The following FOXRED1 variants were observed in gnomAD, a reference collection of about 807,000 sequenced individuals.
FOXRED1 encodes FAD dependent oxidoreductase domain containing 1, also known as FAD-dependent oxidoreductase domain-containing protein 1.
Under a neutral mutation model 57.8 loss-of-function variants are expected in FOXRED1, and 52 were observed. The observed-to-expected ratio is 0.90, with a 90% confidence interval of 0.72 to 1.13. The LOEUF (loss-of-function observed/expected upper bound fraction) is 1.13, where lower values mean the gene tolerates loss of function less well. Among genes scored for constraint, FOXRED1 ranks in the 50% most tolerant of loss-of-function variants. FOXRED1 has a pLI of 0.00. For synonymous variants in FOXRED1, 271 were observed against 248.3 expected (o/e 1.09, Z -0.86); for missense variants, 589 against 625.2 (o/e 0.94, Z 0.62).
Position 126,275,718 on chromosome 11 carries a change from T to A in FOXRED1, c.734-76T>A. On this transcript the variant is annotated intron_variant, in intron 6 of 10. Transcript: ENST00000263578. This position sits in a 1 kb window ranked among gnomAD's most constrained non-coding sequence, Gnocchi z 5.9. ...CTCCCATCCTTCCAGCTTTCTTTCC[T>A]TAAGAAACCAGTGAAATCCCCATTT... 1 of 1,052,054 alleles carries A rather than the reference T, an allele frequency of 9.5e-7. No homozygotes were observed. The highest frequency in any genetic ancestry group is 1.5e-6 in the Non-Finnish European group (1 of 677,346). The allele number at this position is 1,052,054 out of a possible 1,614,324, so 65.2% of individuals were successfully genotyped here.
rs201387039 is a variant in FOXRED1, at chr11:126,277,695, T to C, written c.*6T>C. The C allele has an allele frequency of 2.5e-4, 405 of 1,613,266 alleles. 3 individuals are homozygous for C. The Admixed American group carries it at 6.6e-3, about 26-fold the overall frequency. On this transcript the variant is annotated 3_prime_UTR_variant, in exon 11 of 11. Transcript: ENST00000263578. This position sits in a 1 kb window ranked among gnomAD's most constrained non-coding sequence, Gnocchi z 6.8. ...AGGAGAACAACATCATCTGAGCATG[T>C]GTGCTCTGCACTGGCTCCACTGGCT...
rs774019820 is a variant in FOXRED1, at chr11:126,273,527, A to G, written c.536+73A>G. On this transcript the variant is annotated intron_variant, in intron 4 of 10. Coordinates refer to ENST00000263578, the MANE Select transcript of FOXRED1 (RefSeq NM_017547.4). This position sits in a 1 kb window ranked among gnomAD's most constrained non-coding sequence, Gnocchi z 5.9. ...GGGTGACTCCTGCACCAGGTTAGGA[A>G]GCGAGAAAGTGGAGTTGATAAGACA... 14 of 999,558 alleles carry G rather than the reference A, an allele frequency of 1.4e-5. No individual in the cohort carries two copies. Among genetic ancestry groups the G allele is most frequent in the Non-Finnish European group, 1.8e-5 (11 of 622,154 alleles). The allele number at this position is 999,558 out of a possible 1,614,324, so 61.9% of individuals were successfully genotyped here.
chr11:126,271,356 C>T lies in FOXRED1; in HGVS notation c.86-81C>T, dbSNP rs1176612469. On this transcript the variant is annotated intron_variant, in intron 1 of 10. Coordinates refer to ENST00000263578, the MANE Select transcript of FOXRED1 (RefSeq NM_017547.4). This position sits in a 1 kb window ranked among gnomAD's most constrained non-coding sequence, Gnocchi z 5.3. ...CAACTCATGTGTCTGTTTAGCTCAC[C>T]TTTTCCTGTGCCCATCCTCCAACCC... is the stretch of plus-strand genomic sequence containing the variant. 3.1e-5 allele frequency: 32 copies of T among 1,035,298 alleles called. No individual in the cohort carries two copies. The East Asian group carries it at 7.3e-4, about 24-fold the overall frequency. 64.1% of individuals were successfully genotyped at this position (1,035,298 alleles called of 1,614,324 possible). A position where few individuals can be genotyped will look rare whatever the true frequency, so the allele number is the denominator to read the frequency against.
At position 126,272,025 on chromosome 11, in the gene FOXRED1, A is replaced by C. The variant is rs1015836997; in HGVS notation, c.306+368A>C. 6 of 318,720 alleles carry C rather than the reference A, an allele frequency of 1.9e-5. No individual in the cohort carries two copies. The Admixed American group carries it at 2.7e-4, about 14-fold the overall frequency. 19.7% of individuals were successfully genotyped at this position (318,720 alleles called of 1,614,324 possible). A position where few individuals can be genotyped will look rare whatever the true frequency, so the allele number is the denominator to read the frequency against. On this transcript the variant is annotated intron_variant, in intron 2 of 10. Transcript: ENST00000263578. The surrounding 1 kb of genome is among the most constrained non-coding windows in gnomAD (Gnocchi z 4.6). ...CACCCAGGCTGGAGTGCAATGGCAC[A>C]ATCTCAGCTCACTGCAACCTCCACC... is the stretch of plus-strand genomic sequence containing the variant.
At position 126,277,036 on chromosome 11, in the gene FOXRED1, G is replaced by A. The variant is rs1393027088; in HGVS notation, c.1102-35G>A. On this transcript the variant is annotated intron_variant, in intron 9 of 10. Transcript: ENST00000263578. The surrounding 1 kb of genome is among the most constrained non-coding windows in gnomAD (Gnocchi z 6.8). Reference sequence around the variant, plus strand: ...AGTCTGGGCCTGTCCTTGTGTCCCAGGCAATGTAAGCGTTGTCCCCACCTC... The same window carrying A: ...AGTCTGGGCCTGTCCTTGTGTCCCAAGCAATGTAAGCGTTGTCCCCACCTC... The A allele has an allele frequency of 1.6e-6, 2 of 1,287,918 alleles. No homozygotes were observed. Among genetic ancestry groups the A allele is most frequent in the Non-Finnish European group, 2.3e-6 (2 of 882,714 alleles). The allele number at this position is 1,287,918 out of a possible 1,614,324, so 79.8% of individuals were successfully genotyped here. A position where few individuals can be genotyped will look rare whatever the true frequency, so the allele number is the denominator to read the frequency against.
Position 126,275,252 on chromosome 11 carries a change from TG to T in FOXRED1, c.632-69del. ...CGGCTTACAAGCCCTAGAGAGGGGT[TG>T]GGGGGCACAGGAAATACAATCCAAG... On this transcript the variant is annotated intron_variant, in intron 5 of 10. Coordinates refer to ENST00000263578, the MANE Select transcript of FOXRED1 (RefSeq NM_017547.4). This position sits in a 1 kb window ranked among gnomAD's most constrained non-coding sequence, Gnocchi z 5.9. 2 of 1,141,584 alleles carry T rather than the reference TG, an allele frequency of 1.8e-6. No homozygotes were observed. The highest frequency in any genetic ancestry group is 1.2e-5 in the South Asian group (1 of 81,200). 70.7% of individuals were successfully genotyped at this position (1,141,584 alleles called of 1,614,324 possible).
intron 9 of FOXRED1, chr11:126,276,847 G>A (rs1951164519): frequency 5.8e-6 from 3 of 521,390 alleles, no homozygotes; most frequent in Non-Finnish European, 1.0e-5. Context: ...TTGCACTCCA[G>A]CCTGGGCAAC....
At position 126,271,669 on chromosome 11, in the gene FOXRED1, G is replaced by T; in HGVS notation, c.306+12G>T. The stretch of plus-strand genomic sequence containing the variant: ...AACGGGACCACACGGTGAGGTCTGG[G>T]GTAGGGCAGAGTCATGAGTGGGGCA... On this transcript the variant is annotated intron_variant, in intron 2 of 10. Coordinates refer to ENST00000263578, the MANE Select transcript of FOXRED1 (RefSeq NM_017547.4). This position sits in a 1 kb window ranked among gnomAD's most constrained non-coding sequence, Gnocchi z 5.3. 6.2e-7 allele frequency: 1 copy of T among 1,605,726 alleles called. No individual in the cohort carries two copies. Among genetic ancestry groups the T allele is most frequent in the South Asian group, 1.1e-5 (1 of 90,872 alleles).
Position 126,277,387 on chromosome 11 carries a change from G to A in FOXRED1, c.1207-48G>A, listed in dbSNP as rs1480144228. ...GAGCCCTGAGGGGAGTGAGGATGGAGTGTGGCTACAGCCTTCCCGAGAACC... is the reference window on the plus strand; with the variant it reads ...GAGCCCTGAGGGGAGTGAGGATGGAATGTGGCTACAGCCTTCCCGAGAACC... On this transcript the variant is annotated intron_variant, in intron 10 of 10. Transcript: ENST00000263578. This position sits in a 1 kb window ranked among gnomAD's most constrained non-coding sequence, Gnocchi z 6.8. 6.2e-7 allele frequency: 1 copy of A among 1,609,750 alleles called. No homozygotes were observed. The highest frequency in any genetic ancestry group is 1.7e-5 in the Admixed American group (1 of 60,012).
chr11:126,270,477 T>C (rs1160939363), intron 1 of FOXRED1, among the ~76,000 whole-genome samples: 1 of 152,150 alleles, frequency 6.6e-6, no homozygotes, highest in African/African-American at 2.4e-5. Flanking sequence ...CAAGAGATCA[T>C]GTAGAGTTTG....
Position 126,273,351 on chromosome 11 carries a change from G to A in FOXRED1, c.433G>A (p.Val145Ile), listed in dbSNP as rs34542988. Residue 145 changes from valine to isoleucine, a missense_variant, in exon 4 of 11, where the codon GTC becomes ATC. Val to Ile is a conservative substitution (Grantham distance 29, BLOSUM62 3). Transcript: ENST00000263578. The surrounding 1 kb of genome is among the most constrained non-coding windows in gnomAD (Gnocchi z 5.9). ...CTGCACACAGGAGTACCTGGCCGTA[G>A]TCGATGCTCCTCCCCTGGACCTCCG... ...LRNINEYLAV[V>I]DAPPLDLRFN... is the part of the protein sequence containing the mutation. 1.5e-3 allele frequency: 2,480 copies of A among 1,613,196 alleles called. 24 individuals are homozygous for A. In the African/African-American group the frequency reaches 0.025, roughly 16 times the overall value.
chr11:126,271,235 A>G lies in FOXRED1; in HGVS notation c.86-202A>G. The G allele has an allele frequency of 3.9e-6, 2 of 511,140 alleles. No individual in the cohort carries two copies. The highest frequency in any genetic ancestry group is 5.6e-5 in the African/African-American group (1 of 17,912). The allele number at this position is 511,140 out of a possible 1,614,324, so 31.7% of individuals were successfully genotyped here. ...AATCTTGCAGTGCTTGGCACAATGC[A>G]TGAAGAGACTGATGGCATGTGGACT... On this transcript the variant is annotated intron_variant, in intron 1 of 10. Coordinates refer to ENST00000263578, the MANE Select transcript of FOXRED1 (RefSeq NM_017547.4). This position sits in a 1 kb window ranked among gnomAD's most constrained non-coding sequence, Gnocchi z 5.3.
chr11:126,277,607 G>C lies in FOXRED1; in HGVS notation c.1379G>C (p.Arg460Thr). Residue 460 changes from arginine (R) to threonine (T), a missense_variant, in exon 11 of 11, where the codon AGG becomes ACG. Transcript: ENST00000263578. The surrounding 1 kb of genome is among the most constrained non-coding windows in gnomAD (Gnocchi z 6.8). ...GTAGCAGAGATGGTACTGAAGGGCAGGTTCCAGACCATCGACCTGAGCCCC... is the reference window on the plus strand; with the variant it reads ...GTAGCAGAGATGGTACTGAAGGGCACGTTCCAGACCATCGACCTGAGCCCC... ...RAVAEMVLKG[R>T]FQTIDLSPFL... 1 of 1,613,778 alleles carries C rather than the reference G, an allele frequency of 6.2e-7. No individual in the cohort carries two copies. Among genetic ancestry groups the C allele is most frequent in the South Asian group, 1.1e-5 (1 of 91,088 alleles).
At position 126,269,175 on chromosome 11, in the gene FOXRED1, C is replaced by A; in HGVS notation, c.-32C>A. The A allele has an allele frequency of 6.6e-7, 1 of 1,524,264 alleles. No individual in the cohort carries two copies. Among genetic ancestry groups the A allele is most frequent in the Non-Finnish European group, 9.1e-7 (1 of 1,099,322 alleles). The allele number at this position is 1,524,264 out of a possible 1,614,324, so 94.4% of individuals were successfully genotyped here. A position where few individuals can be genotyped will look rare whatever the true frequency, so the allele number is the denominator to read the frequency against. On this transcript the variant is annotated 5_prime_UTR_variant, in exon 1 of 11. Transcript: ENST00000263578. Reference sequence around the variant, plus strand: ...CTGCGATAATAGCGAGGCAGCAGTGCAGCTTTCAGAGGGTCCGGGCTCAGA... The same window carrying A: ...CTGCGATAATAGCGAGGCAGCAGTGAAGCTTTCAGAGGGTCCGGGCTCAGA...
chr11:126,271,777 G>A lies in FOXRED1; in HGVS notation c.306+120G>A. 1 of 822,408 alleles carries A rather than the reference G, an allele frequency of 1.2e-6. No individual in the cohort carries two copies. The highest frequency in any genetic ancestry group is 2.0e-6 in the Non-Finnish European group (1 of 491,274). The allele number at this position is 822,408 out of a possible 1,614,324, so 50.9% of individuals were successfully genotyped here. Reference sequence around the variant, plus strand: ...GACCTCAATCTCGGAGGGTCCAACGGACAGAGATTGTGCTTTGGACTTTGT... The same window carrying A: ...GACCTCAATCTCGGAGGGTCCAACGAACAGAGATTGTGCTTTGGACTTTGT... On this transcript the variant is annotated intron_variant, in intron 2 of 10. Coordinates refer to ENST00000263578, the MANE Select transcript of FOXRED1 (RefSeq NM_017547.4). The surrounding 1 kb of genome is among the most constrained non-coding windows in gnomAD (Gnocchi z 5.3).
chr11:126,275,500 G>C lies in FOXRED1; in HGVS notation c.733+72G>C. 1 of 1,129,000 alleles carries C rather than the reference G, an allele frequency of 8.9e-7. No individual in the cohort carries two copies. Among genetic ancestry groups the C allele is most frequent in the Non-Finnish European group, 1.4e-6 (1 of 739,354 alleles). The allele number at this position is 1,129,000 out of a possible 1,614,324, so 69.9% of individuals were successfully genotyped here. A position where few individuals can be genotyped will look rare whatever the true frequency, so the allele number is the denominator to read the frequency against. On this transcript the variant is annotated intron_variant, in intron 6 of 10. Transcript: ENST00000263578. The surrounding 1 kb of genome is among the most constrained non-coding windows in gnomAD (Gnocchi z 5.9). ...CTAGGTCTTATCTTCTCACTCACAA[G>C]CTAAGCAAGGGCTGGAGGGGGAAAG...
At position 126,273,562 on chromosome 11, in the gene FOXRED1, G is replaced by C; in HGVS notation, c.536+108G>C. The C allele has an allele frequency of 1.3e-6, 1 of 788,628 alleles. No homozygotes were observed. Among genetic ancestry groups the C allele is most frequent in the South Asian group, 1.4e-5 (1 of 73,646 alleles). The allele number at this position is 788,628 out of a possible 1,614,324, so 48.9% of individuals were successfully genotyped here. On this transcript the variant is annotated intron_variant, in intron 4 of 10. Coordinates refer to ENST00000263578, the MANE Select transcript of FOXRED1 (RefSeq NM_017547.4). This position sits in a 1 kb window ranked among gnomAD's most constrained non-coding sequence, Gnocchi z 5.9. The stretch of plus-strand genomic sequence containing the variant: ...TGGAGTTGATAAGACAGATCCCTGC[G>C]GTCTAGGACCTCAGTGTGTCAGGAA...
chr11:126,276,253 GAGAA>G (rs768389177), intron 8 of FOXRED1, 34 bp downstream of exon 8: 330 of 1,565,662 alleles, frequency 2.1e-4, no homozygotes, highest in Non-Finnish European at 2.7e-4. Context: ...GGAGGTTGGT[GAGAA>G]AGAAAGAAAT....
chr11:126,269,548 G>A (rs191342721), intron 1 of FOXRED1: 17 of 679,532 alleles, frequency 2.5e-5, no homozygotes, highest in African/African-American at 2.3e-4. Flanking sequence ...CGGTGGCACA[G>A]ATGTGCATTA....
Sources: gnomAD v4.1 joint callset for allele counts (sites outside exome capture counted in the v4.1 genomes callset) on GRCh38, gnomAD v4.1.1 for gene constraint, Gnocchi (gnomAD v3.1) non-coding constraint, MANE v1.5 for transcripts, NCBI Gene and HGNC (gene_info 2026-07-23, HGNC 2026-07-21) for gene names.